NDUFAF6: variants seen among roughly 807,000 people sequenced by gnomAD.
The protein encoded by NDUFAF6 is NADH dehydrogenase (ubiquinone) complex I, assembly factor 6.
NDUFAF6 carries 45 observed loss-of-function variants against 40.8 expected under a neutral mutation model. The observed-to-expected ratio is 1.10, with a 90% confidence interval of 0.87 to 1.42. The LOEUF (loss-of-function observed/expected upper bound fraction) is 1.42, where lower values mean the gene tolerates loss of function less well. NDUFAF6 is among the 40% of genes most tolerant of loss of function. The pLI is 0.00. For missense variants in NDUFAF6, 435 were observed against 418.5 expected (o/e 1.04, Z -0.34); for synonymous variants, 185 against 155.9 (o/e 1.19, Z -1.39).
intron 2 of NDUFAF6, among the ~76,000 whole-genome samples, chr8:95,001,499 C>T (rs28456359): frequency 0.081 from 12,380 of 152,072 alleles, 809 homozygotes; most frequent in African/African-American, 0.18. Flanking sequence ...TAGAGGCCAA[C>T]GAACTGGCCT....
chr8:95,027,898 T>C (rs1247344534), intron 1 of NDUFAF6, among the ~76,000 whole-genome samples: 2 of 152,182 alleles, frequency 1.3e-5, no homozygotes, highest in Non-Finnish European at 2.9e-5. Flanking sequence ...CATCCTCGGC[T>C]CTCCTAGCAA....
intron 1 of NDUFAF6, among the ~76,000 whole-genome samples, chr8:95,026,218 C>T (rs545897998): frequency 1.3e-5 from 2 of 152,216 alleles, no homozygotes; most frequent in Admixed American, 6.5e-5. Context: ...CTGTAATCTC[C>T]GCACTTTAGG....
chr8:95,018,430 A>G (rs1827557576), intron 2 of NDUFAF6, among the ~76,000 whole-genome samples: 1 of 152,116 alleles, frequency 6.6e-6, no homozygotes. Context: ...TCATTCATTC[A>G]TTCATTCATC....
chr8:94,938,091 G>A (rs1821166050), intron 1 of NDUFAF6, among the ~76,000 whole-genome samples: 1 of 152,160 alleles, frequency 6.6e-6, no homozygotes, highest in Non-Finnish European at 1.5e-5. Flanking sequence ...AACAGGCTCA[G>A]AGAAAAAGAT....
At chr8:95,002,837 G>A (rs1378268367) in intron 2 of NDUFAF6, among the ~76,000 whole-genome samples, 1 of 152,206 alleles carries the variant, frequency 6.6e-6, no homozygotes, top group Admixed American at 6.5e-5. Flanking sequence ...AGGAGGGGAG[G>A]TGGTGTCAGG....
chr8:95,037,401 C>CT (rs1829628886), intron 3 of NDUFAF6, among the ~76,000 whole-genome samples: 1 of 152,140 alleles, frequency 6.6e-6, no homozygotes, highest in African/African-American at 2.4e-5. Flanking sequence ...TTATTTAGTA[C>CT]TTTTTTATGT....
chr8:94,936,929 G>T (rs1821036395), intron 1 of NDUFAF6, among the ~76,000 whole-genome samples: 1 of 152,200 alleles, frequency 6.6e-6, no homozygotes, highest in Admixed American at 6.5e-5. Flanking sequence ...AAAAGAGACA[G>T]ACTACTGATG....
At chr8:95,099,376 A>G (rs1476444399), upstream of NDUFAF6, among the ~76,000 whole-genome samples, 1 of 150,946 alleles carries the variant, frequency 6.6e-6, no homozygotes, top group East Asian at 1.9e-4. Flanking sequence ...GGCCACTCTC[A>G]TCTGTGCCTT....
chr8:94,937,440 C>CAA (rs1173351669), intron 1 of NDUFAF6, among the ~76,000 whole-genome samples: 12,255 of 93,432 alleles, frequency 0.13, 1,150 homozygotes, highest in African/African-American at 0.3. Flanking sequence ...GACTCCATCT[C>CAA]AAAAAAAAAA....
At chr8:94,946,449 C>T (rs900143800) in intron 2 of NDUFAF6, among the ~76,000 whole-genome samples, 5 of 151,472 alleles carry the variant, frequency 3.3e-5, no homozygotes, top group African/African-American at 9.7e-5. Context: ...GTCTATAATC[C>T]CAGTGCTTTG....
Position 94,900,636 on chromosome 8 carries a change from G to A in NDUFAF6, c.-936+4709G>A, listed in dbSNP as rs192022770. Among the ~76,000 whole-genome samples the A allele has an allele frequency of 3.6e-3, 547 of 152,338 alleles. 7 individuals carry two copies. The highest frequency in any genetic ancestry group is 0.031 in the Middle Eastern group (9 of 294). On this transcript the variant is annotated intron_variant, in intron 1 of 14. Transcript: ENST00000396113. ...GAAGCTCTGGGAGGTTGGAGTAGGC[G>A]GGAGGGCACAGAGTGCTCTGGGCGG...
At chr8:94,935,128 T>TTAGATAGATAGATAGATAG (rs149916195) in intron 1 of NDUFAF6, among the ~76,000 whole-genome samples, 6 of 144,640 alleles carry the variant, frequency 4.1e-5, no homozygotes, top group African/African-American at 1.6e-4. Flanking sequence ...GGTAGATAGA[T>TTAGATAGATAGATAGATAG]ATAGATAGAT....
At chr8:95,046,220 C>T (rs1830753342) in intron 5 of NDUFAF6, among the ~76,000 whole-genome samples, 1 of 152,050 alleles carries the variant, frequency 6.6e-6, no homozygotes, top group Admixed American at 6.6e-5. Context: ...GCCACCACGC[C>T]CAGCTAAATT....
intron 4 of NDUFAF6, among the ~76,000 whole-genome samples, chr8:95,112,316 T>C (rs538683340): frequency 6.6e-6 from 1 of 152,230 alleles, no homozygotes; most frequent in Non-Finnish European, 1.5e-5. Context: ...GGTCTCAAGA[T>C]GAGATCATCA....
chr8:95,025,105 A>G lies in NDUFAF6; in HGVS notation c.97A>G (p.Met33Val), dbSNP rs570923866. 4.7e-6 allele frequency: 7 copies of G among 1,482,394 alleles called. No homozygotes were observed. In the African/African-American group the frequency reaches 7.3e-5, roughly 15 times the overall value. The allele number at this position is 1,482,394 out of a possible 1,614,324, so 91.8% of individuals were successfully genotyped here. The change falls in exon 1 of 9, where the codon ATG (methionine) becomes GTG (valine). Residue 33 changes from methionine (M) to valine (V), a missense_variant. Met to Val is a conservative substitution (Grantham distance 21, BLOSUM62 1). Transcript: ENST00000396124. ...RRPPLGLYAR[M>V]RRLPGPEVSG... ...GCCGCCTCTGGGTCTGTACGCGCGC[A>G]TGCGGCGGCTGCCCGGGCCGGAGGT... is the stretch of plus-strand genomic sequence containing the variant.
intron 1 of NDUFAF6, among the ~76,000 whole-genome samples, chr8:94,921,029 C>T (rs1819464475): frequency 1.3e-5 from 2 of 152,224 alleles, no homozygotes; most frequent in South Asian, 2.1e-4. Flanking sequence ...AAGTCCTCTA[C>T]TGGATGCCAA....
At chr8:94,981,563 C>G (rs1825443193) in intron 2 of NDUFAF6, among the ~76,000 whole-genome samples, 1 of 152,060 alleles carries the variant, frequency 6.6e-6, no homozygotes, top group Admixed American at 6.6e-5. Context: ...TCTTTTGAGC[C>G]CCAATTTGGC....
At chr8:95,008,414 G>C (rs765246317) in intron 2 of NDUFAF6, among the ~76,000 whole-genome samples, 3 of 152,146 alleles carry the variant, frequency 2.0e-5, no homozygotes, top group Non-Finnish European at 4.4e-5. Context: ...GTGTCAGTTT[G>C]CTATGTCTTG....
downstream of NDUFAF6, among the ~76,000 whole-genome samples, chr8:95,059,085 A>T (rs1832496820): frequency 6.6e-6 from 1 of 152,172 alleles, no homozygotes; most frequent in South Asian, 2.1e-4. Context: ...TAGAAAATGC[A>T]TCCCAATTGG....
Sources: gnomAD v4.1 joint callset for allele counts (sites outside exome capture counted in the v4.1 genomes callset) on GRCh38, gnomAD v4.1.1 for gene constraint, MANE v1.5 for transcripts, NCBI Gene and HGNC (gene_info 2026-07-23, HGNC 2026-07-21) for gene names.